The following CATSPERB variants were observed in gnomAD, a reference collection of about 807,000 sequenced individuals.
CATSPERB encodes cation channel sperm-associated auxiliary subunit beta.
A neutral mutation model predicts 128.3 loss-of-function variants in CATSPERB; 93 were observed. The observed-to-expected ratio is 0.72, with a 90% CI of 0.61 to 0.86. The LOEUF (loss-of-function observed/expected upper bound fraction) is 0.86, where lower values mean the gene tolerates loss of function less well. Ranked by LOEUF, CATSPERB falls within the 40% of genes least tolerant of loss-of-function variation. CATSPERB has a pLI of 0.00. For synonymous variants in CATSPERB, 381 were observed against 448.8 expected, an observed-to-expected ratio of 0.85 and a Z score of 1.91; for missense variants, 1,153 against 1,329.5, an observed-to-expected ratio of 0.87 and a Z score of 2.06.
intron 11 of CATSPERB, among the ~76,000 whole-genome samples, chr14:91,675,975 G>A (rs1895186755): frequency 1.3e-5 from 2 of 152,128 alleles, no homozygotes; most frequent in African/African-American, 2.4e-5. Flanking sequence ...TGGGATAAAT[G>A]TTTAAACAGT....
chr14:91,597,879 C>G (rs1267355549), intron 22 of CATSPERB, among the ~76,000 whole-genome samples: 1 of 152,100 alleles, frequency 6.6e-6, no homozygotes, highest in Non-Finnish European at 1.5e-5. Flanking sequence ...AAAGCACATA[C>G]AGGAAGATAA....
intron 17 of CATSPERB, among the ~76,000 whole-genome samples, chr14:91,629,471 C>T (rs370907611): frequency 1.6e-4 from 25 of 152,068 alleles, no homozygotes; most frequent in South Asian, 6.2e-4. Flanking sequence ...TTTGTTCAAA[C>T]CCATTGAATT....
At chr14:91,704,833 T>A (rs753735096) in intron 6 of CATSPERB, 132 bp from the exon 7 acceptor site, 3 of 812,990 alleles carry the variant, frequency 3.7e-6, no homozygotes, top group Non-Finnish European at 5.7e-6. Flanking sequence ...ATTACCTCAC[T>A]CTGCATTGGT....
intron 19 of CATSPERB, among the ~76,000 whole-genome samples, chr14:91,620,199 GCTTTA>G: frequency 6.6e-6 from 1 of 152,236 alleles, no homozygotes; most frequent in Non-Finnish European, 1.5e-5. Flanking sequence ...CCATGCTGCT[GCTTTA>G]GGAAAACTCT....
Position 91,617,708 on chromosome 14 carries a change from C to A in CATSPERB, c.2289G>T (p.Leu763=). 6.2e-7 allele frequency: 1 copy of A among 1,600,752 alleles called. No individual in the cohort carries two copies. Among genetic ancestry groups the A allele is most frequent in the South Asian group, 1.1e-5 (1 of 87,654 alleles). ...AATTAGGGTTTCCAACAAACACAGT[C>A]AGTAGTGGTATTTCAAGCATTCGAA... The part of the protein sequence containing the change: ...KGFRMLEIPL[L]TVFVGNPNLL... The change falls in exon 20 of 27, where the codon CTG becomes CTT. Residue 763 remains leucine (L), a synonymous_variant. Transcript: ENST00000256343.
intron 12 of CATSPERB, among the ~76,000 whole-genome samples, chr14:91,673,236 C>G (rs1895130238): frequency 6.6e-6 from 1 of 152,116 alleles, no homozygotes; most frequent in African/African-American, 2.4e-5. Flanking sequence ...GAAATCGACC[C>G]TTAGGCAAGG....
At chr14:91,593,407 C>T (rs1893446217) in intron 22 of CATSPERB, among the ~76,000 whole-genome samples, 1 of 152,218 alleles carries the variant, frequency 6.6e-6, no homozygotes, top group Non-Finnish European at 1.5e-5. Flanking sequence ...CCTGCAAAGC[C>T]ACAGGGGTGG....
rs574151644 is a variant in CATSPERB, at chr14:91,600,527, T to C, written c.2709+7767A>G. Among the ~76,000 whole-genome samples the C allele has an allele frequency of 1.5e-3, 224 of 152,340 alleles. 1 individual carries two copies. The highest frequency in any genetic ancestry group is 5.1e-3 in the African/African-American group (212 of 41,584). ...TCTGTAAGAATTTAATGTGTAAACA[T>C]ACAGAAAAGTAAGCATTATAGCAAC... On this transcript the variant is annotated intron_variant, in intron 22 of 26. Coordinates refer to ENST00000256343, the MANE Select transcript of CATSPERB (RefSeq NM_024764.4).
At chr14:91,687,057 A>G (rs756378440) in intron 10 of CATSPERB, among the ~76,000 whole-genome samples, 2 of 152,160 alleles carry the variant, frequency 1.3e-5, no homozygotes, top group Admixed American at 1.3e-4. Flanking sequence ...AAGGAAGAAA[A>G]GTATATATAT....
intron 12 of CATSPERB, among the ~76,000 whole-genome samples, chr14:91,673,753 C>T (rs371207351): frequency 3.3e-5 from 5 of 151,910 alleles, no homozygotes; most frequent in East Asian, 1.9e-4. Flanking sequence ...CATGGTGGAG[C>T]GTGCCTGTAG....
chr14:91,658,349 A>G (rs928113141), intron 15 of CATSPERB, among the ~76,000 whole-genome samples: 14 of 152,046 alleles, frequency 9.2e-5, no homozygotes, highest in Non-Finnish European at 1.3e-4. Context: ...TGGAACTCAC[A>G]GACATAGAGA....
intron 6 of CATSPERB, 22 bp downstream of exon 6, chr14:91,708,119 A>G (rs1004197674): frequency 1.3e-6 from 2 of 1,514,392 alleles, no homozygotes; most frequent in Non-Finnish European, 1.8e-6. Context: ...ATTCCATTTT[A>G]CTTCTGTCTG....
intron 14 of CATSPERB, among the ~76,000 whole-genome samples, chr14:91,668,453 A>C (rs1002862539): frequency 6.6e-6 from 1 of 152,026 alleles, no homozygotes; most frequent in Non-Finnish European, 1.5e-5. Context: ...CACTCTGTAA[A>C]ATGGACCAAT....
At chr14:91,722,273 A>C (rs1896048088) in intron 4 of CATSPERB, among the ~76,000 whole-genome samples, 2 of 152,246 alleles carry the variant, frequency 1.3e-5, no homozygotes, top group African/African-American at 4.8e-5. Context: ...AAGAGCCAAA[A>C]AGTGGGAATA....
chr14:91,653,089 CTGCAAAACCA>C (rs1327655793), intron 15 of CATSPERB, among the ~76,000 whole-genome samples: 1 of 152,050 alleles, frequency 6.6e-6, no homozygotes, highest in Non-Finnish European at 1.5e-5. Flanking sequence ...ATATTGAGGC[CTGCAAAACCA>C]TGCTTTTTGA....
At position 91,693,526 on chromosome 14, in the gene CATSPERB, T is replaced by C. The variant is rs375852195; in HGVS notation, c.617-47A>G. On this transcript the variant is annotated intron_variant, in intron 7 of 26. Coordinates refer to ENST00000256343, the MANE Select transcript of CATSPERB (RefSeq NM_024764.4). ...ATTAAAGCCAGGCAACTTTACAAGGTGAGTCACCTTCAGGGGCAAGAGCCC... is the reference window on the plus strand; with the variant it reads ...ATTAAAGCCAGGCAACTTTACAAGGCGAGTCACCTTCAGGGGCAAGAGCCC... 3.4e-5 allele frequency: 49 copies of C among 1,433,536 alleles called. No homozygotes were observed. The African/African-American group carries it at 5.5e-4, about 16-fold the overall frequency. The allele number at this position is 1,433,536 out of a possible 1,614,324, so 88.8% of individuals were successfully genotyped here. A position where few individuals can be genotyped will look rare whatever the true frequency, so the allele number is the denominator to read the frequency against.
intron 7 of CATSPERB, among the ~76,000 whole-genome samples, chr14:91,702,860 T>A (rs1333202122): frequency 2.6e-5 from 4 of 152,090 alleles, no homozygotes; most frequent in African/African-American, 9.6e-5. Flanking sequence ...ATTTTGGTCT[T>A]TTTTTATGAC....
At chr14:91,621,574 T>A in intron 19 of CATSPERB, 34 bp downstream of exon 19, 1 of 1,437,958 alleles carries the variant, frequency 7.0e-7, no homozygotes, top group Non-Finnish European at 9.5e-7. Flanking sequence ...AAATAACATT[T>A]CCTTTTTATA....
chr14:91,700,256 T>C (rs1030776225), intron 7 of CATSPERB, among the ~76,000 whole-genome samples: 1 of 152,224 alleles, frequency 6.6e-6, no homozygotes, highest in African/African-American at 2.4e-5. Flanking sequence ...GCAAAAGACA[T>C]GAACTCATTC....
Sources: allele counts gnomAD v4.1 joint callset (sites outside exome capture counted in the v4.1 genomes callset), GRCh38; gene constraint gnomAD v4.1.1; transcripts MANE v1.5; gene names NCBI Gene and HGNC (gene_info 2026-07-23, HGNC 2026-07-21).